Variants in DPT observed in about 807,000 individuals in gnomAD.
DPT encodes the protein tyrosine-rich acidic matrix protein.
DPT carries 21 observed loss-of-function variants against 31.2 expected under a neutral mutation model. That is an observed-to-expected ratio of 0.67 (90% confidence interval 0.48 to 0.97). DPT has a LOEUF of 0.97. DPT is among the 50% of genes least tolerant of loss of function. The pLI is 0.00. For synonymous variants in DPT, 91 were observed against 86.9 expected (o/e 1.05, Z -0.26); for missense variants, 262 against 258.8 (o/e 1.01, Z -0.08).
chr1:168,714,855 A>C (rs1649943618), intron 1 of DPT, among the ~76,000 whole-genome samples: 1 of 152,272 alleles, frequency 6.6e-6, no homozygotes, highest in Non-Finnish European at 1.5e-5. Context: ...CCTGCACAGC[A>C]TGCAAAGCCC....
At chr1:168,706,319 T>C (rs1351136440) in intron 2 of DPT, among the ~76,000 whole-genome samples, 9 of 152,188 alleles carry the variant, frequency 5.9e-5, no homozygotes, top group African/African-American at 1.9e-4. Context: ...AGTCAAATCA[T>C]TGAGAAGTTT....
At chr1:168,722,409 A>AAT (rs1219814468) in intron 1 of DPT, among the ~76,000 whole-genome samples, 1 of 152,196 alleles carries the variant, frequency 6.6e-6, no homozygotes, top group African/African-American at 2.4e-5. Context: ...CAACTGTGTG[A>AAT]TACTTGTCTC....
intron 1 of DPT, among the ~76,000 whole-genome samples, chr1:168,728,050 A>G (rs569236130): frequency 1.3e-5 from 2 of 152,278 alleles, no homozygotes; most frequent in South Asian, 4.1e-4. Context: ...GCCTACTAGG[A>G]TGAGCTCCTG....
chr1:168,726,437 C>G (rs1650243218), intron 1 of DPT, among the ~76,000 whole-genome samples: 1 of 152,198 alleles, frequency 6.6e-6, no homozygotes, highest in Non-Finnish European at 1.5e-5. Flanking sequence ...AAGAAAAAGC[C>G]AAGAGTGTTT....
intron 1 of DPT, among the ~76,000 whole-genome samples, chr1:168,718,015 C>A (rs1434072425): frequency 3.9e-5 from 6 of 152,190 alleles, no homozygotes; most frequent in African/African-American, 1.4e-4. Flanking sequence ...AAGCAAAACT[C>A]ATATGTGTCC....
intron 2 of DPT, among the ~76,000 whole-genome samples, chr1:168,704,298 G>A (rs1030120132): frequency 6.6e-6 from 1 of 152,192 alleles, no homozygotes; most frequent in Non-Finnish European, 1.5e-5. Flanking sequence ...ATGAAGAAGA[G>A]CGCAGGTCAG....
At chr1:168,706,822 T>C (rs1451500589) in intron 2 of DPT, among the ~76,000 whole-genome samples, 2 of 152,192 alleles carry the variant, frequency 1.3e-5, no homozygotes, top group East Asian at 1.9e-4. Context: ...GAACTGAGTT[T>C]CTAACTCACT....
chr1:168,709,293 A>G (rs542024994), intron 2 of DPT, among the ~76,000 whole-genome samples: 1 of 152,338 alleles, frequency 6.6e-6, no homozygotes, highest in East Asian at 1.9e-4. Context: ...ATGACAAACA[A>G]TGTCTAAAGG....
intron 2 of DPT, among the ~76,000 whole-genome samples, chr1:168,709,297 C>A (rs144858692): frequency 6.6e-6 from 1 of 152,318 alleles, no homozygotes; most frequent in Non-Finnish European, 1.5e-5. Flanking sequence ...CAAACAATGT[C>A]TAAAGGGTTG....
rs1649458445 is a variant in DPT, at chr1:168,696,038, T to G, written c.*511A>C. 4 of 396,436 alleles carry G rather than the reference T, an allele frequency of 1.0e-5. No homozygotes were observed. The highest frequency in any genetic ancestry group is 1.8e-5 in the Non-Finnish European group (4 of 225,230). The allele number at this position is 396,436 out of a possible 1,614,324, so 24.6% of individuals were successfully genotyped here. A position where few individuals can be genotyped will look rare whatever the true frequency, so the allele number is the denominator to read the frequency against. On this transcript the variant is annotated 3_prime_UTR_variant, in exon 4 of 4. Coordinates refer to ENST00000367817, the MANE Select transcript of DPT (RefSeq NM_001937.5). ...AGCTCTGCACTTGGATTGCTAAGCA[T>G]GCATGGCTCATGTGGAGCAGGGGAG...
At chr1:168,707,967 C>T (rs181777280) in intron 2 of DPT, among the ~76,000 whole-genome samples, 103 of 152,232 alleles carry the variant, frequency 6.8e-4, no homozygotes, top group Non-Finnish European at 9.1e-4. Flanking sequence ...GTGGCATCTG[C>T]AGGGGATTGA....
intron 2 of DPT, among the ~76,000 whole-genome samples, chr1:168,708,077 C>T (rs11584588): frequency 0.18 from 27,251 of 152,060 alleles, 2,627 homozygotes; most frequent in Middle Eastern, 0.21. Context: ...CTCCTGTTTA[C>T]TTTAAATCAC....
intron 2 of DPT, among the ~76,000 whole-genome samples, chr1:168,708,681 G>A (rs1649777677): frequency 6.6e-6 from 1 of 152,138 alleles, no homozygotes; most frequent in African/African-American, 2.4e-5. Flanking sequence ...ACTAACATTA[G>A]GAGATATACC....
intron 3 of DPT, among the ~76,000 whole-genome samples, chr1:168,698,807 G>A (rs1352095826): frequency 6.6e-6 from 1 of 152,178 alleles, no homozygotes; most frequent in Admixed American, 6.5e-5. Context: ...CATGTGGAGG[G>A]AAAGCTCTTG....
chr1:168,726,620 C>T (rs1202957801), intron 1 of DPT, among the ~76,000 whole-genome samples: 1 of 152,228 alleles, frequency 6.6e-6, no homozygotes, highest in African/African-American at 2.4e-5. Context: ...AGGGCTCTTC[C>T]TCTATGGCTT....
intron 3 of DPT, among the ~76,000 whole-genome samples, chr1:168,700,032 C>T (rs1166728901): frequency 3.3e-5 from 5 of 152,106 alleles, no homozygotes; most frequent in African/African-American, 9.7e-5. Context: ...TGCAGGTTTA[C>T]TGAGGGATTG....
chr1:168,718,673 G>C (rs1482044689), intron 1 of DPT, among the ~76,000 whole-genome samples: 2 of 152,192 alleles, frequency 1.3e-5, no homozygotes, highest in African/African-American at 4.8e-5. Context: ...TGTATCATCT[G>C]GGCGGGTTTC....
At chr1:168,702,611 T>C (rs1459951212) in intron 2 of DPT, among the ~76,000 whole-genome samples, 3 of 121,506 alleles carry the variant, frequency 2.5e-5, no homozygotes, top group Non-Finnish European at 3.4e-5. Context: ...CAGGTAAATG[T>C]CTTTTTTTTT....
chr1:168,718,258 G>A (rs188691976), intron 1 of DPT, among the ~76,000 whole-genome samples: 39 of 152,356 alleles, frequency 2.6e-4, no homozygotes, highest in Middle Eastern at 3.4e-3. Context: ...AAGATAAGCC[G>A]AACTGTTTCA....
Sources: allele counts gnomAD v4.1 joint callset (sites outside exome capture counted in the v4.1 genomes callset), GRCh38; gene constraint gnomAD v4.1.1; transcripts MANE v1.5; gene names NCBI Gene and HGNC (gene_info 2026-07-23, HGNC 2026-07-21).